Variants in RORA observed in about 807,000 individuals in gnomAD.
RORA encodes the protein RAR related orphan receptor A.
Under a neutral mutation model 69.5 loss-of-function variants are expected in RORA, and 7 were observed. That is an observed-to-expected ratio of 0.10 (90% CI 0.06 to 0.19). The LOEUF is 0.19. Among genes scored for constraint, RORA ranks in the 10% least tolerant of loss-of-function variants. The pLI, the probability that RORA is intolerant of heterozygous loss-of-function variation, is 1.00. For missense variants in RORA, 457 were observed against 663.0 expected (o/e 0.69, Z 3.41); for synonymous variants, 261 against 240.8 (o/e 1.08, Z -0.78).
intron 2 of RORA, among the ~76,000 whole-genome samples, chr15:60,544,330 G>A (rs1282523748): frequency 2.0e-5 from 3 of 152,224 alleles, no homozygotes; most frequent in Admixed American, 6.5e-5. Context: ...GAAAGTGGAA[G>A]AGAATTCTAC....
intron 1 of RORA, among the ~76,000 whole-genome samples, chr15:60,915,346 A>G (rs1032758597): frequency 6.6e-6 from 1 of 152,198 alleles, no homozygotes; most frequent in African/African-American, 2.4e-5. Flanking sequence ...TCACCTACAG[A>G]GTGCTGGCCC....
At chr15:61,210,757 G>C (rs961158245) in intron 1 of RORA, among the ~76,000 whole-genome samples, 2 of 152,216 alleles carry the variant, frequency 1.3e-5, no homozygotes, top group African/African-American at 4.8e-5. Flanking sequence ...AAGACAACTA[G>C]ACTTACGGTC....
intron 8 of RORA, among the ~76,000 whole-genome samples, chr15:60,502,473 C>T (rs1290224914): frequency 6.6e-6 from 1 of 152,078 alleles, no homozygotes; most frequent in Admixed American, 6.6e-5. Flanking sequence ...ACCAGCAAAT[C>T]TGGTTTCTTA....
intron 1 of RORA, among the ~76,000 whole-genome samples, chr15:60,754,539 T>TGA (rs1423338389): frequency 6.6e-6 from 1 of 152,154 alleles, no homozygotes; most frequent in African/African-American, 2.4e-5. Context: ...CTTAATTCCT[T>TGA]CCTAGTTCTT....
chr15:60,771,851 T>C (rs1196285370), intron 1 of RORA, among the ~76,000 whole-genome samples: 1 of 152,198 alleles, frequency 6.6e-6, no homozygotes, highest in Non-Finnish European at 1.5e-5. Flanking sequence ...ATCATGAGGA[T>C]ACACGAGATC....
At chr15:60,647,715 A>G (rs1318196784) in intron 2 of RORA, among the ~76,000 whole-genome samples, 1 of 152,214 alleles carries the variant, frequency 6.6e-6, no homozygotes, top group Non-Finnish European at 1.5e-5. Context: ...AGCACCTTAT[A>G]CTCAGGAGAT....
At chr15:61,091,101 T>C (rs2078699677) in intron 1 of RORA, among the ~76,000 whole-genome samples, 1 of 152,214 alleles carries the variant, frequency 6.6e-6, no homozygotes, top group Non-Finnish European at 1.5e-5. Flanking sequence ...CATCTAACTA[T>C]CTCACTCATT....
At chr15:61,191,073 C>G (rs903693137) in intron 1 of RORA, among the ~76,000 whole-genome samples, 1 of 151,516 alleles carries the variant, frequency 6.6e-6, no homozygotes, top group African/African-American at 2.4e-5. Flanking sequence ...ATGTGGGAAG[C>G]AGCATTATAT....
At position 61,061,245 on chromosome 15, in the gene RORA, C is replaced by T. The variant is rs1284869596; in HGVS notation, c.166+167808G>A. Reference sequence around the variant, plus strand: ...GCGGGCGCCTGTGGTCCCAGCTACTCGGGAGGCTGAGGCAGGAGAATGGCA... The same window carrying T: ...GCGGGCGCCTGTGGTCCCAGCTACTTGGGAGGCTGAGGCAGGAGAATGGCA... On this transcript the variant is annotated intron_variant, in intron 1 of 10. Transcript: ENST00000335670. The surrounding 1 kb of genome is among the most constrained non-coding windows in gnomAD (Gnocchi z 4.4). 4.6e-5 allele frequency among the ~76,000 whole-genome samples: 7 copies of T among 151,800 alleles called. No homozygotes were observed. The highest frequency in any genetic ancestry group is 9.7e-5 in the African/African-American group (4 of 41,272).
intron 2 of RORA, among the ~76,000 whole-genome samples, chr15:60,656,252 A>C (rs2070220547): frequency 6.6e-6 from 1 of 152,210 alleles, no homozygotes; most frequent in African/African-American, 2.4e-5. Context: ...CACAGCCAGG[A>C]AACAGCAGGC....
chr15:60,881,058 G>C (rs2073674186), intron 1 of RORA, among the ~76,000 whole-genome samples: 2 of 152,308 alleles, frequency 1.3e-5, no homozygotes, highest in South Asian at 4.1e-4. Context: ...GGATTAATTA[G>C]AAGTGAGATG....
intron 1 of RORA, among the ~76,000 whole-genome samples, chr15:61,162,440 CTCCTGT>C (rs2079503668): frequency 6.6e-6 from 1 of 152,182 alleles, no homozygotes; most frequent in South Asian, 2.1e-4. Context: ...CCCACAAGGG[CTCCTGT>C]TCATGGAGGA....
chr15:61,191,366 A>C (rs201179285), intron 1 of RORA, among the ~76,000 whole-genome samples: 1 of 776 alleles, frequency 1.3e-3, no homozygotes, highest in East Asian at 0.25. Flanking sequence ...TCCTTGTAGC[A>C]AAAAAAAAAA....
At chr15:61,153,587 G>C (rs971415869) in intron 1 of RORA, among the ~76,000 whole-genome samples, 13 of 152,176 alleles carry the variant, frequency 8.5e-5, no homozygotes, top group African/African-American at 3.1e-4. Flanking sequence ...TCAAACTCCA[G>C]TTACTAATTA....
intron 1 of RORA, among the ~76,000 whole-genome samples, chr15:60,989,018 A>T (rs145730001): frequency 8.4e-4 from 128 of 152,300 alleles, no homozygotes; most frequent in African/African-American, 2.7e-3. Context: ...CCTGATTTAA[A>T]CCTAATCACC....
chr15:60,844,177 T>C (rs1468601362), intron 1 of RORA, among the ~76,000 whole-genome samples: 2 of 152,284 alleles, frequency 1.3e-5, no homozygotes, highest in East Asian at 3.9e-4. Context: ...TCTCTGCCCT[T>C]CCTGAGTTGA....
chr15:60,876,848 T>C lies in RORA; in HGVS notation c.167-198162A>G, dbSNP rs763218650. Reference sequence around the variant, plus strand: ...AGTCACAATTCAAGATGCTAAGTGCTATTAAATTTTGTGGATATTGGACAT... The same window carrying C: ...AGTCACAATTCAAGATGCTAAGTGCCATTAAATTTTGTGGATATTGGACAT... On this transcript the variant is annotated intron_variant, in intron 1 of 10. Transcript: ENST00000335670. Among the ~76,000 whole-genome samples, 50 of 152,292 alleles carry C rather than the reference T, an allele frequency of 3.3e-4. 1 individual carries two copies. The Middle Eastern group carries it at 0.014, about 41-fold the overall frequency.
At chr15:60,530,715 T>C (rs773588050) in intron 3 of RORA, 1 of 152,228 alleles carries the variant, frequency 6.6e-6, no homozygotes, top group Non-Finnish European at 1.5e-5. Flanking sequence ...TGATTTTGTA[T>C]TTTACAACAT....
At chr15:60,527,323 G>A (rs113407149) in intron 3 of RORA, among the ~76,000 whole-genome samples, 1,863 of 152,362 alleles carry the variant, frequency 0.012, 19 homozygotes, top group African/African-American at 0.027. Context: ...ATTAGGAACA[G>A]AAGTTGAATG....
Sources: allele counts gnomAD v4.1 joint callset (sites outside exome capture counted in the v4.1 genomes callset), GRCh38; gene constraint gnomAD v4.1.1; non-coding constraint Gnocchi (gnomAD v3.1); transcripts MANE v1.5; gene names NCBI Gene and HGNC (gene_info 2026-07-23, HGNC 2026-07-21).